The following USH2A variants were observed in gnomAD, a reference collection of about 807,000 sequenced individuals.
The protein encoded by USH2A is usherin, also known as Usher syndrome 2A (autosomal recessive, mild).
In USH2A, 443 loss-of-function variants were observed where a neutral mutation model predicts 538.9. That is an observed-to-expected ratio of 0.82 (90% CI 0.76 to 0.89). The LOEUF (loss-of-function observed/expected upper bound fraction) is 0.89. USH2A is among the 40% of genes least tolerant of loss of function. The pLI, the probability that USH2A is intolerant of heterozygous loss-of-function variation, is 0.00. For synonymous variants in USH2A, 2,413 were observed against 2,273.5 expected, an observed-to-expected ratio of 1.06 and a Z score of -1.75; for missense variants, 6,633 against 6,324.8, an observed-to-expected ratio of 1.05 and a Z score of -1.65.
At chr1:215,918,704 A>T (rs1489704304) in intron 38 of USH2A, among the ~76,000 whole-genome samples, 1 of 152,140 alleles carries the variant, frequency 6.6e-6, no homozygotes, top group Non-Finnish European at 1.5e-5. Flanking sequence ...CTGCTGAAAG[A>T]CTTCTAAGAA....
At chr1:215,844,594 C>T in intron 45 of USH2A, 98 bp from the exon 46 acceptor site, 1 of 1,255,732 alleles carries the variant, frequency 8.0e-7, no homozygotes, top group Non-Finnish European at 1.1e-6. Flanking sequence ...GCAAAGGGTT[C>T]CTCGCTTATC....
In USH2A at chr1:215,680,202, G is replaced by A. The variant is rs144783615; in HGVS notation, c.12241C>T (p.Arg4081Trp). Residue 4081 changes from arginine to tryptophan, a missense_variant, in exon 62 of 72, where the codon CGG (arginine) becomes TGG (tryptophan). Coordinates refer to ENST00000307340, the MANE Select transcript of USH2A (RefSeq NM_206933.4). Reference protein sequence around the residue: ...NFIVEQKENGRALLLQWSEPM... With the variant: ...NFIVEQKENGWALLLQWSEPM... ...TCTGACCACTGTAGTAGCAATGCCC[G>A]GCCATTCTCTTTCTGTTCTACTATA... 1.3e-4 allele frequency: 213 copies of A among 1,614,030 alleles called. No individual in the cohort carries two copies. The highest frequency in any genetic ancestry group is 1.2e-3 in the African/African-American group (87 of 74,998).
At chr1:216,370,128 G>T (rs186716269) in intron 3 of USH2A, among the ~76,000 whole-genome samples, 81 of 152,210 alleles carry the variant, frequency 5.3e-4, no homozygotes, top group African/African-American at 1.8e-3. Flanking sequence ...GGAGGCCGAG[G>T]TGGGCGGATC....
chr1:215,638,871 G>C (rs955122009), intron 69 of USH2A, among the ~76,000 whole-genome samples: 35 of 149,292 alleles, frequency 2.3e-4, no homozygotes, highest in African/African-American at 7.4e-4. Flanking sequence ...CCAGCTACTC[G>C]GGAGGCTGAG....
Position 216,083,455 on chromosome 1 carries a change from C to A in USH2A, c.5298+1G>T, listed in dbSNP as rs769145218. The A allele has an allele frequency of 3.1e-6, 5 of 1,610,640 alleles. No homozygotes were observed. The highest frequency in any genetic ancestry group is 4.2e-6 in the Non-Finnish European group (5 of 1,178,622). On this transcript the variant is annotated splice_donor_variant, in intron 26 of 71. Transcript: ENST00000307340. LOFTEE classifies it high-confidence loss of function. ...AATTTTAATCAAATTAATTCACATA[C>A]AGCAAGAAAATCAGGTCCATCTTTG...
chr1:215,734,925 T>G (rs1660112970), intron 60 of USH2A, among the ~76,000 whole-genome samples: 1 of 152,168 alleles, frequency 6.6e-6, no homozygotes. Context: ...CTTCCTGTCT[T>G]CTTCTGAGCC....
intron 61 of USH2A, among the ~76,000 whole-genome samples, chr1:215,689,990 C>T (rs57714827): frequency 0.19 from 29,281 of 152,102 alleles, 3,138 homozygotes; most frequent in South Asian, 0.47. Flanking sequence ...TCTTCTCTAT[C>T]TAGTTCTGGA....
At chr1:216,026,716 T>A (rs1668975067) in intron 32 of USH2A, among the ~76,000 whole-genome samples, 1 of 152,184 alleles carries the variant, frequency 6.6e-6, no homozygotes, top group African/African-American at 2.4e-5. Flanking sequence ...GCCCTCAAAG[T>A]ACTCATGATC....
intron 61 of USH2A, among the ~76,000 whole-genome samples, chr1:215,716,073 G>A (rs1659474317): frequency 6.6e-6 from 1 of 152,154 alleles, no homozygotes; most frequent in Non-Finnish European, 1.5e-5. Context: ...AATTCGAACA[G>A]CAGCCAGATG....
intron 61 of USH2A, among the ~76,000 whole-genome samples, chr1:215,687,335 C>T (rs1334430953): frequency 1.3e-5 from 2 of 151,672 alleles, no homozygotes; most frequent in African/African-American, 4.8e-5. Flanking sequence ...TCTCTACACT[C>T]AGAAAAGAAG....
intron 21 of USH2A, among the ~76,000 whole-genome samples, chr1:216,129,454 C>T (rs147783408): frequency 7.9e-5 from 12 of 151,816 alleles, no homozygotes; most frequent in African/African-American, 2.9e-4. Context: ...TAAAGTAATC[C>T]CATTTGTAAT....
At chr1:216,025,987 G>A (rs1668955186) in intron 32 of USH2A, among the ~76,000 whole-genome samples, 2 of 152,088 alleles carry the variant, frequency 1.3e-5, no homozygotes, top group African/African-American at 4.8e-5. Flanking sequence ...GAAAAATAGA[G>A]AGGGCAATAC....
intron 32 of USH2A, among the ~76,000 whole-genome samples, chr1:216,033,735 G>A (rs1158437027): frequency 1.3e-5 from 2 of 151,968 alleles, no homozygotes; most frequent in South Asian, 2.1e-4. Flanking sequence ...CCAGCTACTC[G>A]GGAGGCAAGA....
At chr1:216,175,526 T>C in intron 20 of USH2A, 44 bp from the exon 21 acceptor site, 1 of 1,576,466 alleles carries the variant, frequency 6.3e-7, no homozygotes, top group Non-Finnish European at 8.7e-7. Flanking sequence ...ATTTGGTTTC[T>C]GTCTCTAGAC....
At chr1:215,726,531 C>A (rs954222308) in intron 61 of USH2A, among the ~76,000 whole-genome samples, 3 of 152,116 alleles carry the variant, frequency 2.0e-5, no homozygotes, top group Non-Finnish European at 4.4e-5. Flanking sequence ...TATATTTGCT[C>A]ACTGTAATTT....
chr1:215,638,946 C>A lies in USH2A; in HGVS notation c.15052+209G>T, dbSNP rs185872564. 3.3e-5 allele frequency among the ~76,000 whole-genome samples: 5 copies of A among 151,526 alleles called. No individual in the cohort carries two copies. In the East Asian group the frequency reaches 9.7e-4, roughly 29 times the overall value. ...TGAGCCAAGATTGCACCACTGCACT[C>A]CAGCCTGAGTGACAGAGCAAGACTC... On this transcript the variant is annotated intron_variant, in intron 69 of 71. Coordinates refer to ENST00000307340, the MANE Select transcript of USH2A (RefSeq NM_206933.4).
Position 215,877,882 on chromosome 1 carries a change from TA to T in USH2A, c.8559-3del. 2 of 1,613,600 alleles carry T rather than the reference TA, an allele frequency of 1.2e-6. No individual in the cohort carries two copies. The highest frequency in any genetic ancestry group is 2.7e-5 in the African/African-American group (2 of 75,028). ...ATTTTACGTCTCAGAAGCTCATATC[TA>T]AAGCAAAAGACAAGCAGGAACATCA... On this transcript the variant is annotated splice_region_variant and splice_polypyrimidine_tract_variant and intron_variant, in intron 42 of 71. Transcript: ENST00000307340.
At chr1:216,038,225 A>C (rs2102517551) in intron 32 of USH2A, among the ~76,000 whole-genome samples, 1 of 152,152 alleles carries the variant, frequency 6.6e-6, no homozygotes, top group Admixed American at 6.6e-5. Context: ...TTGTCCTCAA[A>C]AACTTTTTGT....
chr1:215,663,376 A>G (rs916954088), intron 64 of USH2A, among the ~76,000 whole-genome samples: 4 of 152,186 alleles, frequency 2.6e-5, no homozygotes, highest in African/African-American at 7.2e-5. Flanking sequence ...GTTATCAGAA[A>G]TTAAGTATCT....
Sources: gnomAD v4.1 joint callset for allele counts (sites outside exome capture counted in the v4.1 genomes callset) on GRCh38, gnomAD v4.1.1 for gene constraint, MANE v1.5 for transcripts, NCBI Gene and HGNC (gene_info 2026-07-23, HGNC 2026-07-21) for gene names.